ARL8B: variants seen among roughly 807,000 people sequenced by gnomAD.
ARL8B encodes the protein ADP-ribosylation factor-like protein 8B.
Under a neutral mutation model 30.6 loss-of-function variants are expected in ARL8B, and 9 were observed. The observed-to-expected ratio is 0.29, with a 90% CI of 0.18 to 0.51. The LOEUF is 0.51. Ranked by LOEUF, ARL8B falls within the 20% of genes least tolerant of loss-of-function variation. ARL8B has a pLI of 0.97. For missense variants in ARL8B, 130 were observed against 227.2 expected (o/e 0.57, Z 2.75); for synonymous variants, 74 against 76.0 (o/e 0.97, Z 0.14).
chr3:5,145,902 C>A (rs906539723), intron 1 of ARL8B, among the ~76,000 whole-genome samples: 1 of 152,154 alleles, frequency 6.6e-6, no homozygotes, highest in African/African-American at 2.4e-5. Flanking sequence ...TATTTAACTT[C>A]TTTTTCTACA....
chr3:5,144,028 T>C (rs1426853207), intron 1 of ARL8B, among the ~76,000 whole-genome samples: 1 of 152,212 alleles, frequency 6.6e-6, no homozygotes, highest in Non-Finnish European at 1.5e-5. Flanking sequence ...TGATTCATTC[T>C]TTCTACTTTT....
chr3:5,131,194 C>T (rs191712329), intron 1 of ARL8B, among the ~76,000 whole-genome samples: 11 of 150,946 alleles, frequency 7.3e-5, no homozygotes, highest in African/African-American at 1.5e-4. Flanking sequence ...TGTGAGCCAC[C>T]GTGCCCGGCC....
chr3:5,172,598 C>G, intron 3 of ARL8B, 49 bp from the exon 4 acceptor site: 1 of 1,211,402 alleles, frequency 8.3e-7, no homozygotes, highest in Non-Finnish European at 1.2e-6. Context: ...TAGTTGTCAT[C>G]ATCAAGGCAT....
chr3:5,134,593 A>G (rs1212724344), intron 1 of ARL8B, among the ~76,000 whole-genome samples: 4 of 152,212 alleles, frequency 2.6e-5, no homozygotes, highest in Non-Finnish European at 5.9e-5. Flanking sequence ...CTTTGGTGCC[A>G]GGTAAACACG....
In ARL8B at chr3:5,122,415, G is replaced by C; in HGVS notation, c.-51G>C. Reference sequence around the variant, plus strand: ...GAGGCCCGCTCGTGTGGAAGTCGTCGACGCCGCCGCTCGTCCGTCCTCCCG... The same window carrying C: ...GAGGCCCGCTCGTGTGGAAGTCGTCCACGCCGCCGCTCGTCCGTCCTCCCG... On this transcript the variant is annotated 5_prime_UTR_variant, in exon 1 of 7. Coordinates refer to ENST00000256496, the MANE Select transcript of ARL8B (RefSeq NM_018184.3). The C allele has an allele frequency of 6.2e-7, 1 of 1,608,614 alleles. No homozygotes were observed. Among genetic ancestry groups the C allele is most frequent in the Non-Finnish European group, 8.5e-7 (1 of 1,178,418 alleles).
At chr3:5,170,341 C>T (rs2054661581) in intron 1 of ARL8B, among the ~76,000 whole-genome samples, 162 bp from the exon 2 acceptor site, 1 of 152,124 alleles carries the variant, frequency 6.6e-6, no homozygotes, top group Non-Finnish European at 1.5e-5. Context: ...TAATGCATCT[C>T]TTCAAGAATT....
intron 2 of ARL8B, among the ~76,000 whole-genome samples, chr3:5,171,534 G>T (rs1371157867): frequency 2.6e-5 from 4 of 152,032 alleles, no homozygotes; most frequent in Non-Finnish European, 5.9e-5. Flanking sequence ...TTTTAGTAGA[G>T]ATGAGGTTTC....
At position 5,151,729 on chromosome 3, in the gene ARL8B, C is replaced by T. The variant is rs375761007; in HGVS notation, c.124-18774C>T. ...GAAGCTTTTCTCCCCCCACCCCCCC[C>T]CTTGGAGATAGGATCTTGCTGTCTT... On this transcript the variant is annotated intron_variant, in intron 1 of 6. Coordinates refer to ENST00000256496, the MANE Select transcript of ARL8B (RefSeq NM_018184.3). Among the ~76,000 whole-genome samples, 690 of 129,154 alleles carry T rather than the reference C, an allele frequency of 5.3e-3. 5 individuals carry two copies. Among genetic ancestry groups the T allele is most frequent in the African/African-American group, 0.02 (651 of 33,010 alleles). The allele number at this position is 129,154 out of a possible 152,430, so 84.7% of individuals were successfully genotyped here.
At chr3:5,133,565 CA>C (rs2054301385) in intron 1 of ARL8B, among the ~76,000 whole-genome samples, 1 of 152,074 alleles carries the variant, frequency 6.6e-6, no homozygotes, top group Non-Finnish European at 1.5e-5. Context: ...GTACCATCAG[CA>C]AACAGCAGTT....
In ARL8B at chr3:5,178,850, C is replaced by G. The variant is rs2054753044; in HGVS notation, c.*137C>G. The G allele has an allele frequency of 7.0e-7, 1 of 1,423,534 alleles. No individual in the cohort carries two copies. The highest frequency in any genetic ancestry group is 2.4e-5 in the Admixed American group (1 of 42,316). The allele number at this position is 1,423,534 out of a possible 1,614,324, so 88.2% of individuals were successfully genotyped here. On this transcript the variant is annotated 3_prime_UTR_variant, in exon 7 of 7. Transcript: ENST00000256496. ...TTTCAGAGTTTATTTCTCATGTGCA[C>G]TGCTGAAGATGAATATCCCTAATCC...
intron 1 of ARL8B, among the ~76,000 whole-genome samples, chr3:5,153,611 C>A (rs570835122): frequency 1.3e-5 from 2 of 152,112 alleles, no homozygotes; most frequent in East Asian, 3.9e-4. Context: ...ACACCAATGT[C>A]GAATTTTACC....
chr3:5,177,604 C>T (rs1019328492), intron 6 of ARL8B, among the ~76,000 whole-genome samples: 7 of 151,944 alleles, frequency 4.6e-5, no homozygotes, highest in Middle Eastern at 3.4e-3. Context: ...TACAGGCGCC[C>T]GCTGCCGTGC....
chr3:5,139,935 G>C (rs1165208108), intron 1 of ARL8B, among the ~76,000 whole-genome samples: 1 of 152,042 alleles, frequency 6.6e-6, no homozygotes, highest in Non-Finnish European at 1.5e-5. Context: ...TGTTCTTTCA[G>C]GGGTAGCAAT....
At chr3:5,175,218 G>C (rs949874150) in intron 6 of ARL8B, among the ~76,000 whole-genome samples, 6 of 152,170 alleles carry the variant, frequency 3.9e-5, no homozygotes, top group Non-Finnish European at 7.3e-5. Context: ...GAAAAAAATA[G>C]TTTTGTTATA....
intron 1 of ARL8B, among the ~76,000 whole-genome samples, chr3:5,156,484 C>G (rs527519163): frequency 4.0e-5 from 6 of 151,834 alleles, no homozygotes; most frequent in Non-Finnish European, 8.8e-5. Flanking sequence ...TGGCACGATC[C>G]TGTCTCACTG....
At chr3:5,136,237 C>T (rs1052678243) in intron 1 of ARL8B, among the ~76,000 whole-genome samples, 7 of 152,110 alleles carry the variant, frequency 4.6e-5, no homozygotes, top group East Asian at 3.9e-4. Context: ...AATGTTTTCA[C>T]GTAAGGCATT....
At chr3:5,172,058 A>G in intron 2 of ARL8B, 92 bp from the exon 3 acceptor site, 1 of 1,235,292 alleles carries the variant, frequency 8.1e-7, no homozygotes, top group South Asian at 1.3e-5. Flanking sequence ...AAATAAATAT[A>G]TCTTCCCGAT....
chr3:5,139,086 A>T (rs926395633), intron 1 of ARL8B, among the ~76,000 whole-genome samples: 4 of 152,224 alleles, frequency 2.6e-5, no homozygotes, highest in African/African-American at 4.8e-5. Context: ...ATAATATTTT[A>T]AAAAATTGTT....
At chr3:5,132,351 T>C (rs1284187869) in intron 1 of ARL8B, among the ~76,000 whole-genome samples, 1 of 151,988 alleles carries the variant, frequency 6.6e-6, no homozygotes, top group Non-Finnish European at 1.5e-5. Flanking sequence ...GCCTCCCTGG[T>C]TCAAGTGATT....
Sources: gnomAD v4.1 joint callset for allele counts (sites outside exome capture counted in the v4.1 genomes callset) on GRCh38, gnomAD v4.1.1 for gene constraint, MANE v1.5 for transcripts, NCBI Gene and HGNC (gene_info 2026-07-23, HGNC 2026-07-21) for gene names.